ADGRF5: variants seen among roughly 807,000 people sequenced by gnomAD.
ADGRF5 encodes the protein adhesion G protein-coupled receptor F5.
Under a neutral mutation model 132.3 loss-of-function variants are expected in ADGRF5, and 75 were observed. That is an observed-to-expected ratio of 0.57 (90% CI 0.47 to 0.69). ADGRF5 has a LOEUF of 0.69. ADGRF5 is among the 30% of genes least tolerant of loss of function. The pLI, the probability that ADGRF5 is intolerant of heterozygous loss-of-function variation, is 0.00. For synonymous variants in ADGRF5, 629 were observed against 597.6 expected, an observed-to-expected ratio of 1.05 and a Z score of -0.77; for missense variants, 1,516 against 1,630.6, an observed-to-expected ratio of 0.93 and a Z score of 1.21.
At chr6:46,865,937 C>G (rs1251625351) in intron 13 of ADGRF5, among the ~76,000 whole-genome samples, 2 of 152,178 alleles carry the variant, frequency 1.3e-5, no homozygotes, top group African/African-American at 4.8e-5. Context: ...TTGAGTAAGC[C>G]CTCCAGAATA....
At chr6:46,918,958 C>A (rs1397972692) in intron 1 of ADGRF5, among the ~76,000 whole-genome samples, 1 of 152,180 alleles carries the variant, frequency 6.6e-6, no homozygotes, top group Non-Finnish European at 1.5e-5. Flanking sequence ...AAACAACAAA[C>A]AAACAAAAAA....
intron 2 of ADGRF5, 21 bp from the exon 3 acceptor site, chr6:46,900,104 A>G (rs1774598242): frequency 1.9e-6 from 3 of 1,594,866 alleles, no homozygotes; most frequent in Non-Finnish European, 1.7e-6. Flanking sequence ...CATTTGAGAA[A>G]GTTGTCAATT....
chr6:46,915,204 A>G (rs1483824858), intron 1 of ADGRF5, among the ~76,000 whole-genome samples: 1 of 151,904 alleles, frequency 6.6e-6, no homozygotes, highest in Non-Finnish European at 1.5e-5. Flanking sequence ...GGCAAAGCTC[A>G]TTTTACATTA....
At chr6:46,944,656 T>C (rs1293117038) in intron 1 of ADGRF5, among the ~76,000 whole-genome samples, 1 of 152,240 alleles carries the variant, frequency 6.6e-6, no homozygotes, top group East Asian at 1.9e-4. Context: ...ATATGTCATA[T>C]AAAATATGTC....
rs1562153210 is a variant in ADGRF5 at position 46,865,029 on chromosome 6, A to T, written c.1990+13T>A. ...TGACTATAACATCTTAAAGTAATTT[A>T]AAACGTTCTTACCAGGAACCAGATT... On this transcript the variant is annotated intron_variant, in intron 14 of 20. Transcript: ENST00000283296. 1.5e-5 allele frequency: 23 copies of T among 1,567,260 alleles called. No homozygotes were observed. Among genetic ancestry groups the T allele is most frequent in the Non-Finnish European group, 2.0e-5 (23 of 1,146,960 alleles).
chr6:46,873,372 G>C (rs974020992), intron 10 of ADGRF5, among the ~76,000 whole-genome samples: 10 of 152,056 alleles, frequency 6.6e-5, no homozygotes, highest in Non-Finnish European at 1.3e-4. Flanking sequence ...TCTACCGAAA[G>C]TGTTCCTTTA....
chr6:46,888,126 C>A, intron 4 of ADGRF5: 1 of 493,614 alleles, frequency 2.0e-6, no homozygotes. Context: ...AACCTTTGGT[C>A]ACCATTTAAA....
At position 46,915,098 on chromosome 6, in the gene ADGRF5, C is replaced by T. The variant is rs1776314450; in HGVS notation, c.-25+6615G>A. Reference sequence around the variant, plus strand: ...CTTGAACTCCTGACCTCAAGTGATCCGCCCATCTCGGCCTCCCAAAGTGCT... The same window carrying T: ...CTTGAACTCCTGACCTCAAGTGATCTGCCCATCTCGGCCTCCCAAAGTGCT... On this transcript the variant is annotated intron_variant, in intron 1 of 20. Coordinates refer to ENST00000283296, the MANE Select transcript of ADGRF5 (RefSeq NM_001098518.2). 2.0e-5 allele frequency among the ~76,000 whole-genome samples: 3 copies of T among 151,996 alleles called. No individual in the cohort carries two copies. The South Asian group carries it at 6.2e-4, about 32-fold the overall frequency.
chr6:46,858,088 G>A (rs1422753145), intron 17 of ADGRF5, 41 bp downstream of exon 17: 1 of 1,431,358 alleles, frequency 7.0e-7, no homozygotes, highest in Non-Finnish European at 9.6e-7. Flanking sequence ...TTGTCCTACA[G>A]GAATAAAATC....
chr6:46,891,947 C>T (rs963842388), intron 3 of ADGRF5, among the ~76,000 whole-genome samples: 1 of 152,150 alleles, frequency 6.6e-6, no homozygotes, highest in Non-Finnish European at 1.5e-5. Flanking sequence ...TCACCCTCAG[C>T]CTGAGCGTCA....
At chr6:46,895,469 G>A (rs1255938365) in intron 3 of ADGRF5, among the ~76,000 whole-genome samples, 1 of 151,456 alleles carries the variant, frequency 6.6e-6, no homozygotes, top group Middle Eastern at 3.2e-3. Context: ...GAAGTGCACG[G>A]CATTTCCTAG....
intron 2 of ADGRF5, among the ~76,000 whole-genome samples, chr6:46,901,413 G>A (rs977924369): frequency 1.3e-5 from 2 of 151,970 alleles, no homozygotes; most frequent in East Asian, 1.9e-4. Context: ...TGAACTCCAC[G>A]CATCCATGAC....
chr6:46,913,227 G>C (rs1488999495), intron 1 of ADGRF5, among the ~76,000 whole-genome samples: 1 of 152,068 alleles, frequency 6.6e-6, no homozygotes, highest in Non-Finnish European at 1.5e-5. Flanking sequence ...GCTGGGCCAG[G>C]TGTCTCACGC....
rs372099678 is a variant in ADGRF5 at position 46,906,677 on chromosome 6, G to A, written c.86C>T (p.Ser29Phe). The A allele has an allele frequency of 2.8e-5, 44 of 1,547,082 alleles. No homozygotes were observed. The African/African-American group carries it at 5.2e-4, about 18-fold the overall frequency. Residue 29 changes from serine to phenylalanine, a missense_variant, in exon 2 of 21, where the codon TCT (serine) becomes TTT (phenylalanine). By Grantham distance (155) the Ser-to-Phe change is radical (BLOSUM62 -2). Transcript: ENST00000283296. Reference sequence around the variant, plus strand: ...ATAACTCACCAAAGGATGAATAGTAGACTCGTAATTCCAGTTCAGTGCAGC... The same window carrying A: ...ATAACTCACCAAAGGATGAATAGTAAACTCGTAATTCCAGTTCAGTGCAGC... ...SKAALNWNYE[S>F]TIHPLSLHEH...
chr6:46,868,782 G>C, intron 12 of ADGRF5, 101 bp downstream of exon 12: 1 of 709,534 alleles, frequency 1.4e-6, no homozygotes, highest in Non-Finnish European at 2.4e-6. Flanking sequence ...AAAGTGGTTG[G>C]CATAGGCATG....
At chr6:46,940,386 A>T (rs536169060) in intron 1 of ADGRF5, among the ~76,000 whole-genome samples, 1 of 152,244 alleles carries the variant, frequency 6.6e-6, no homozygotes, top group Non-Finnish European at 1.5e-5. Flanking sequence ...CAAGAAGCAC[A>T]TAGGGCCTCT....
chr6:46,931,895 G>C (rs918494006), intron 1 of ADGRF5, among the ~76,000 whole-genome samples: 1 of 152,078 alleles, frequency 6.6e-6, no homozygotes, highest in Non-Finnish European at 1.5e-5. Flanking sequence ...GCTCCAGCCT[G>C]GGTGACAAAG....
chr6:46,911,619 T>C (rs1775960228), intron 1 of ADGRF5, among the ~76,000 whole-genome samples: 1 of 152,192 alleles, frequency 6.6e-6, no homozygotes, highest in South Asian at 2.1e-4. Context: ...TAGTCTCTAC[T>C]TCCCCTGAAC....
intron 1 of ADGRF5, among the ~76,000 whole-genome samples, chr6:46,907,645 G>A (rs1775530357): frequency 6.6e-6 from 1 of 152,074 alleles, no homozygotes; most frequent in Non-Finnish European, 1.5e-5. Flanking sequence ...AGAAGGTCTA[G>A]GGACCAAGAC....
Sources: gnomAD v4.1 joint callset for allele counts (sites outside exome capture counted in the v4.1 genomes callset) on GRCh38, gnomAD v4.1.1 for gene constraint, MANE v1.5 for transcripts, NCBI Gene and HGNC (gene_info 2026-07-23, HGNC 2026-07-21) for gene names.